The following BBS4 variants were observed in gnomAD, a reference collection of about 807,000 sequenced individuals.
The protein encoded by BBS4 is Bardet-Biedl syndrome 4, also known as BBSome complex member BBS4.
A neutral mutation model predicts 71.4 loss-of-function variants in BBS4; 58 were observed. The ratio of observed to expected loss-of-function variants is 0.81; its 90% CI spans 0.66 to 1.01. The LOEUF is 1.01. Ranked by LOEUF, BBS4 falls within the 50% of genes least tolerant of loss-of-function variation. The pLI, the probability that BBS4 is intolerant of heterozygous loss-of-function variation, is 0.00. For synonymous variants in BBS4, 228 were observed against 216.8 expected (o/e 1.05, Z -0.46); for missense variants, 660 against 607.9 (o/e 1.09, Z -0.90).
At chr15:72,688,328 T>TA (rs768744944) in intron 1 of BBS4, among the ~76,000 whole-genome samples, 1 of 152,020 alleles carries the variant, frequency 6.6e-6, no homozygotes, top group Non-Finnish European at 1.5e-5. Context: ...CTAGTAGTGT[T>TA]ACGTTTATAG....
chr15:72,700,052 G>T (rs1370194261), intron 2 of BBS4, among the ~76,000 whole-genome samples: 1 of 152,146 alleles, frequency 6.6e-6, no homozygotes, highest in African/African-American at 2.4e-5. Flanking sequence ...CGATTCTTCA[G>T]CTTCAGCCTC....
rs552223066 is a variant in BBS4 at position 72,695,526 on chromosome 15, A to G, written c.76+298A>G. Among the ~76,000 whole-genome samples, 18 of 152,292 alleles carry G rather than the reference A, an allele frequency of 1.2e-4. No individual in the cohort carries two copies. The South Asian group carries it at 3.7e-3, about 32-fold the overall frequency. On this transcript the variant is annotated intron_variant, in intron 2 of 15. Coordinates refer to ENST00000268057, the MANE Select transcript of BBS4 (RefSeq NM_033028.5). ...GGTCTCGAACTCCTGACCTCAGGTG[A>G]TCTGCCCACCTTGGCCTCCCAAAGT...
chr15:72,709,205 C>G (rs1220205921), intron 2 of BBS4, among the ~76,000 whole-genome samples: 1 of 152,190 alleles, frequency 6.6e-6, no homozygotes. Flanking sequence ...CACGGTCCTA[C>G]CGATATATGT....
chr15:72,720,323 A>G lies in BBS4; in HGVS notation c.406-2471A>G, dbSNP rs76393595. Among the ~76,000 whole-genome samples, 52 of 151,594 alleles carry G rather than the reference A, an allele frequency of 3.4e-4. 3 individuals are homozygous for G. In the East Asian group the frequency reaches 0.01, roughly 30 times the overall value. On this transcript the variant is annotated intron_variant, in intron 6 of 15. Transcript: ENST00000268057. ...CAACATAGAGACCCAGTTTCTAGGAAAAAAAAATAAAAATTAGTGGTCGTG... is the reference window on the plus strand; with the variant it reads ...CAACATAGAGACCCAGTTTCTAGGAGAAAAAAATAAAAATTAGTGGTCGTG...
intron 1 of BBS4, chr15:72,686,675 T>C (rs2064850295): frequency 3.5e-6 from 3 of 864,134 alleles, no homozygotes; most frequent in Non-Finnish European, 4.9e-6. Context: ...CGGGACTGTG[T>C]TTTTTCTGTG....
chr15:72,736,001 A>T (rs1213050087), intron 14 of BBS4, 35 bp downstream of exon 14: 1 of 1,613,066 alleles, frequency 6.2e-7, no homozygotes, highest in Admixed American at 1.7e-5. Context: ...AGTCATAAGT[A>T]AGCTCTCAGG....
At chr15:72,735,553 C>T (rs188267307) in intron 13 of BBS4, 280 of 550,460 alleles carry the variant, frequency 5.1e-4, no homozygotes, top group African/African-American at 5.0e-3. Flanking sequence ...TTCTAGACAG[C>T]AGGGTAGAGA....
chr15:72,687,149 C>T, intron 1 of BBS4, among the ~76,000 whole-genome samples: 1 of 2,862 alleles, frequency 3.5e-4, no homozygotes, highest in African/African-American at 4.9e-4. Flanking sequence ...CGGAGTGTCG[C>T]TGTTGTCGGC....
intron 8 of BBS4, among the ~76,000 whole-genome samples, chr15:72,726,143 G>A (rs138188684): frequency 4.2e-5 from 6 of 143,380 alleles, no homozygotes; most frequent in East Asian, 2.1e-4. Context: ...CAACAGTCTC[G>A]CTCTGTCGCC....
chr15:72,707,186 T>C (rs2065280214), intron 2 of BBS4, among the ~76,000 whole-genome samples: 1 of 150,162 alleles, frequency 6.7e-6, no homozygotes, highest in Non-Finnish European at 1.5e-5. Context: ...TCTTTTCTTT[T>C]TTTTTTTTTG....
chr15:72,713,133 G>T (rs556020607), intron 4 of BBS4, among the ~76,000 whole-genome samples: 1 of 151,676 alleles, frequency 6.6e-6, no homozygotes, highest in South Asian at 2.1e-4. Context: ...GGGATTATAG[G>T]CATGAGCTAC....
intron 13 of BBS4, 189 bp downstream of exon 13, chr15:72,735,371 T>G: frequency 1.6e-6 from 1 of 630,992 alleles, no homozygotes; most frequent in Non-Finnish European, 2.9e-6. Flanking sequence ...ATTGACACTC[T>G]GAGAAAATGT....
At chr15:72,687,666 G>A (rs2064887399) in intron 1 of BBS4, among the ~76,000 whole-genome samples, 2 of 152,012 alleles carry the variant, frequency 1.3e-5, no homozygotes, top group African/African-American at 4.8e-5. Flanking sequence ...AGTGGCTCAC[G>A]CCTGTAATCC....
intron 6 of BBS4, among the ~76,000 whole-genome samples, chr15:72,720,189 A>G (rs993836903): frequency 1.3e-5 from 2 of 152,060 alleles, no homozygotes; most frequent in East Asian, 3.9e-4. Context: ...ACCTGTAGAA[A>G]ACCTTATAGT....
At chr15:72,721,309 T>C (rs2065571745) in intron 6 of BBS4, among the ~76,000 whole-genome samples, 1 of 152,204 alleles carries the variant, frequency 6.6e-6, no homozygotes, top group Non-Finnish European at 1.5e-5. Flanking sequence ...TAGAAATAAA[T>C]ACGGAAACAT....
chr15:72,713,680 C>A (rs1048367291), intron 4 of BBS4, among the ~76,000 whole-genome samples: 4 of 152,134 alleles, frequency 2.6e-5, no homozygotes, highest in Non-Finnish European at 5.9e-5. Context: ...ATGTGACTGG[C>A]AGCACAGTAG....
At chr15:72,716,478 CTTAT>C (rs2065470421) in intron 5 of BBS4, among the ~76,000 whole-genome samples, 1 of 152,162 alleles carries the variant, frequency 6.6e-6, no homozygotes, top group South Asian at 2.1e-4. Context: ...TATCATTAGG[CTTAT>C]TTCTTTTTTG....
intron 5 of BBS4, 28 bp downstream of exon 5, chr15:72,715,430 G>T: frequency 6.7e-7 from 1 of 1,486,958 alleles, no homozygotes. Context: ...GGAGGCCCTA[G>T]GGCACTCACA....
intron 3 of BBS4, among the ~76,000 whole-genome samples, chr15:72,710,513 T>C (rs1306584249): frequency 1.3e-5 from 2 of 152,074 alleles, no homozygotes; most frequent in Non-Finnish European, 2.9e-5. Flanking sequence ...AGTTTTATTT[T>C]TTAATTTCTC....
Sources: allele counts gnomAD v4.1 joint callset (sites outside exome capture counted in the v4.1 genomes callset), GRCh38; gene constraint gnomAD v4.1.1; transcripts MANE v1.5; gene names NCBI Gene and HGNC (gene_info 2026-07-23, HGNC 2026-07-21).